Variants in ZNF514 observed in about 807,000 individuals in gnomAD.
ZNF514 encodes the protein zinc finger protein 514.
In ZNF514, 12 loss-of-function variants were observed where a neutral mutation model predicts 9.7. The observed-to-expected ratio is 1.24, with a 90% CI of 0.79 to 2.01. The LOEUF (loss-of-function observed/expected upper bound fraction) is 2.01. ZNF514 is among the 30% of genes most tolerant of loss of function. The pLI, the probability that ZNF514 is intolerant of heterozygous loss-of-function variation, is 0.00. For synonymous variants in ZNF514, 158 were observed against 163.7 expected (o/e 0.97, Z 0.27); for missense variants, 467 against 465.5 (o/e 1.00, Z -0.03).
the ZNF514 span, among the ~76,000 whole-genome samples, chr2:95,133,530 C>T: frequency 5.9e-5 from 9 of 152,154 alleles, no homozygotes; most frequent in African/African-American, 2.2e-4. Flanking sequence ...AATGGAAGTA[C>T]AGCTGGCCCT....
the ZNF514 span, among the ~76,000 whole-genome samples, chr2:95,131,376 C>G: frequency 6.6e-6 from 1 of 152,232 alleles, no homozygotes; most frequent in Non-Finnish European, 1.5e-5. Flanking sequence ...TTCAAACAAA[C>G]CGGTACCTCC....
At chr2:95,126,389 A>G in the ZNF514 span, among the ~76,000 whole-genome samples, 1 of 145,696 alleles carries the variant, frequency 6.9e-6, no homozygotes, top group Admixed American at 6.9e-5. Context: ...AAAAAAAAAA[A>G]AAAAAAGAAA....
the ZNF514 span, among the ~76,000 whole-genome samples, chr2:95,136,018 C>T: frequency 2.6e-5 from 4 of 152,028 alleles, no homozygotes; most frequent in East Asian, 2.0e-4. Flanking sequence ...GAACCAAGAT[C>T]GTACCACTGC....
At chr2:95,132,070 G>A in the ZNF514 span, among the ~76,000 whole-genome samples, 5 of 148,506 alleles carry the variant, frequency 3.4e-5, no homozygotes, top group East Asian at 1.0e-3. Context: ...TTGAACCCAG[G>A]AGGCAGAGGT....
At chr2:95,128,911 T>C in the ZNF514 span, among the ~76,000 whole-genome samples, 1 of 152,216 alleles carries the variant, frequency 6.6e-6, no homozygotes, top group Non-Finnish European at 1.5e-5. Context: ...CCTCCGACCC[T>C]CTCAAGGTGG....
chr2:95,132,144 CAAAAAAAAAAAAAA>C, the ZNF514 span, among the ~76,000 whole-genome samples: 2 of 16,624 alleles, frequency 1.2e-4, no homozygotes, highest in Admixed American at 1.3e-3. Context: ...GACTCTGTCT[CAAAAAAAAAAAAAA>C]AAAAAAAAAA....
chr2:95,154,693 T>C (rs1438842635), intron 2 of ZNF514: 1 of 152,108 alleles, frequency 6.6e-6, no homozygotes, highest in East Asian at 1.9e-4. Context: ...AAAACAAAAA[T>C]GGAAGGCAAT....
At chr2:95,154,810 TAA>T (rs1673647093) in intron 2 of ZNF514, 1 of 152,162 alleles carries the variant, frequency 6.6e-6, no homozygotes, top group East Asian at 1.9e-4. Context: ...AACAGCTAAT[TAA>T]AACTCAGCCC....
Position 95,149,813 on chromosome 2 carries a change from T to C in ZNF514, c.672A>G (p.Arg224=). 2 of 1,614,236 alleles carry C rather than the reference T, an allele frequency of 1.2e-6. No individual in the cohort carries two copies. Among genetic ancestry groups the C allele is most frequent in the East Asian group, 2.2e-5 (1 of 44,884 alleles). ...CATACGGCTTTTCTCCAGTGTGACA[T>C]CGCTGATGGCGCCTAAGTTCTGACT... ...HFQSELRRHQ[R]CHTGEKPYEC... Residue 224 remains arginine (R), a synonymous_variant, in exon 5 of 5, where the codon CGA becomes CGG. Coordinates refer to ENST00000295208, the MANE Select transcript of ZNF514 (RefSeq NM_032788.3).
downstream of ZNF514, among the ~76,000 whole-genome samples, chr2:95,140,892 T>C (rs1458469007): frequency 6.6e-6 from 1 of 151,818 alleles, no homozygotes; most frequent in Non-Finnish European, 1.5e-5. Context: ...GCAGAATTGC[T>C]TGAACCCGGG....
rs1427231099 is a variant in ZNF514 at position 95,159,502 on chromosome 2, G to T, written c.-358C>A. ...GTCCCTAGCGGGGGGCACTCGGAGG[G>T]ACACACCCAGCTCTGTAAGGGGCCG... On this transcript the variant is annotated 5_prime_UTR_variant, in exon 1 of 5. Coordinates refer to ENST00000295208, the MANE Select transcript of ZNF514 (RefSeq NM_032788.3). 3 of 153,526 alleles carry T rather than the reference G, an allele frequency of 2.0e-5. No homozygotes were observed. Among genetic ancestry groups the T allele is most frequent in the East Asian group, 1.9e-4 (1 of 5,190 alleles). 9.5% of individuals were successfully genotyped at this position (153,526 alleles called of 1,614,324 possible).
Position 95,159,502 on chromosome 2 carries a change from G to A in ZNF514, c.-358C>T, listed in dbSNP as rs1427231099. The A allele has an allele frequency of 2.0e-5, 3 of 153,640 alleles. No homozygotes were observed. The highest frequency in any genetic ancestry group is 4.4e-5 in the Non-Finnish European group (3 of 68,932). The allele number at this position is 153,640 out of a possible 1,614,324, so 9.5% of individuals were successfully genotyped here. A position where few individuals can be genotyped will look rare whatever the true frequency, so the allele number is the denominator to read the frequency against. ...GTCCCTAGCGGGGGGCACTCGGAGG[G>A]ACACACCCAGCTCTGTAAGGGGCCG... On this transcript the variant is annotated 5_prime_UTR_variant, in exon 1 of 5. Transcript: ENST00000295208.
rs1416570260 is a variant in ZNF514 at position 95,145,530 on chromosome 2, A to C, written c.*3752T>G. 2.0e-5 allele frequency among the ~76,000 whole-genome samples: 3 copies of C among 152,132 alleles called. No individual in the cohort carries two copies. The highest frequency in any genetic ancestry group is 2.0e-4 in the Admixed American group (3 of 15,266). On this transcript the variant is annotated 3_prime_UTR_variant, in exon 5 of 5. Coordinates refer to ENST00000295208, the MANE Select transcript of ZNF514 (RefSeq NM_032788.3). ...CACAGTAAGAACCTTGGTCTCCACA[A>C]CACCTTATCTTAACCCAGACATTCC... is the stretch of plus-strand genomic sequence containing the variant.
the ZNF514 span, among the ~76,000 whole-genome samples, chr2:95,128,770 AAGAG>A: frequency 4.0e-5 from 6 of 148,160 alleles, no homozygotes; most frequent in African/African-American, 5.0e-5. Context: ...AAGAGGGAGA[AAGAG>A]AAGGAGGAGG....
At chr2:95,140,429 G>C (rs2104454150), downstream of ZNF514, among the ~76,000 whole-genome samples, 1 of 152,116 alleles carries the variant, frequency 6.6e-6, no homozygotes, top group East Asian at 1.9e-4. Context: ...AGACCAGCCT[G>C]GCCAACATGG....
chr2:95,139,065 C>A, the ZNF514 span, among the ~76,000 whole-genome samples: 11 of 152,248 alleles, frequency 7.2e-5, no homozygotes, highest in Non-Finnish European at 1.2e-4. Context: ...GTAGCTTTCA[C>A]GTGGTATTAA....
At chr2:95,126,780 T>C in the ZNF514 span, among the ~76,000 whole-genome samples, 1 of 152,186 alleles carries the variant, frequency 6.6e-6, no homozygotes, top group African/African-American at 2.4e-5. Context: ...TTTTCTTTTC[T>C]TTTTTCTTGG....
chr2:95,123,384 T>C, the ZNF514 span, among the ~76,000 whole-genome samples: 1 of 152,230 alleles, frequency 6.6e-6, no homozygotes, highest in Non-Finnish European at 1.5e-5. Flanking sequence ...TGAAAAAGTA[T>C]AGATCTATAC....
At chr2:95,134,171 T>A in the ZNF514 span, among the ~76,000 whole-genome samples, 1 of 152,156 alleles carries the variant, frequency 6.6e-6, no homozygotes, top group Non-Finnish European at 1.5e-5. Context: ...TCAAAAATCA[T>A]AAACTTTGTG....
Sources: gnomAD v4.1 joint callset for allele counts (sites outside exome capture counted in the v4.1 genomes callset) on GRCh38, gnomAD v4.1.1 for gene constraint, MANE v1.5 for transcripts, NCBI Gene and HGNC (gene_info 2026-07-23, HGNC 2026-07-21) for gene names.